MIER2: variants seen among roughly 807,000 people sequenced by gnomAD.
The protein encoded by MIER2 is mesoderm induction early response protein 2.
In MIER2, 30 loss-of-function variants were observed where a neutral mutation model predicts 67.6. That is an observed-to-expected ratio of 0.44 (90% CI 0.33 to 0.60). The LOEUF is 0.60. MIER2 is among the 20% of genes least tolerant of loss of function. MIER2 has a pLI of 0.02. For synonymous variants in MIER2, 372 were observed against 312.6 expected, an observed-to-expected ratio of 1.19 and a Z score of -2.00; for missense variants, 702 against 745.1, an observed-to-expected ratio of 0.94 and a Z score of 0.67.
intron 10 of MIER2, among the ~76,000 whole-genome samples, chr19:310,800 C>G (rs1057412753): frequency 6.6e-6 from 1 of 150,418 alleles, no homozygotes; most frequent in South Asian, 2.1e-4. Flanking sequence ...TCCAGAAACA[C>G]AGCCTGGAGC....
At chr19:344,680 C>A in intron 1 of MIER2, 94 bp downstream of exon 1, 1 of 850,596 alleles carries the variant, frequency 1.2e-6, no homozygotes, top group African/African-American at 1.8e-5. Context: ...GCGGGGCTCT[C>A]CGTCCCTGGG....
chr19:330,238 G>A (rs970633700), intron 3 of MIER2: 5 of 152,010 alleles, frequency 3.3e-5, no homozygotes, highest in Non-Finnish European at 5.9e-5. Flanking sequence ...TGAACTTGCC[G>A]AATTTCTAAT....
rs1480519691 is a variant in MIER2 at position 327,875 on chromosome 19, T to C, written c.358A>G (p.Thr120Ala). The C allele has an allele frequency of 6.2e-7, 1 of 1,612,050 alleles. No homozygotes were observed. The highest frequency in any genetic ancestry group is 8.5e-7 in the Non-Finnish European group (1 of 1,179,128). Residue 120 changes from threonine (T) to alanine (A), a missense_variant, in exon 4 of 14, where the codon ACC becomes GCC. Thr to Ala is a moderately conservative substitution (Grantham distance 58). Coordinates refer to ENST00000264819, the MANE Select transcript of MIER2 (RefSeq NM_017550.3). ...GGGCCCTCACTTACTTTGTCCAGGG[T>C]CATGTCTGGGAGGTTCGGGGCCACG... ...GDVAPNLPDMTLDKEQIAKDL... is the reference protein window; with the variant it reads ...GDVAPNLPDMALDKEQIAKDL...
At position 335,977 on chromosome 19, in the gene MIER2, A is replaced by G. The variant is rs1972233495; in HGVS notation, c.100+106T>C. ...GAGCTGGGACACCCTGGACTCTGGA[A>G]GCCAGTGTGCCGGTCCACAGCTCAG... On this transcript the variant is annotated intron_variant, in intron 2 of 13. Coordinates refer to ENST00000264819, the MANE Select transcript of MIER2 (RefSeq NM_017550.3). 2.7e-6 allele frequency: 3 copies of G among 1,101,768 alleles called. No individual in the cohort carries two copies. In the Admixed American group the frequency reaches 5.8e-5, roughly 21 times the overall value. The allele number at this position is 1,101,768 out of a possible 1,614,324, so 68.2% of individuals were successfully genotyped here.
chr19:331,360 G>GAAAAAAAAAAAAAAAAAA (rs917485905), intron 3 of MIER2, among the ~76,000 whole-genome samples: 1 of 117,964 alleles, frequency 8.5e-6, no homozygotes, highest in African/African-American at 3.2e-5. Flanking sequence ...TCTGTCCCCA[G>GAAAAAAAAAAAAAAAAAA]AAAAAAAAAA....
chr19:307,128 G>C lies in MIER2; in HGVS notation c.1607C>G (p.Pro536Arg). The C allele has an allele frequency of 6.3e-7, 1 of 1,582,612 alleles. No individual in the cohort carries two copies. The highest frequency in any genetic ancestry group is 8.6e-7 in the Non-Finnish European group (1 of 1,164,594). The change falls in exon 13 of 14, where the codon CCC (proline) becomes CGC (arginine). Residue 536 changes from proline (P) to arginine (R), a missense_variant. Pro to Arg is a moderately radical substitution (Grantham distance 103). This residue lies in a region of MIER2 where 254 missense variants were observed against 262.8 expected (regional missense o/e 0.97). Transcript: ENST00000264819. Reference sequence around the variant, plus strand: ...ATGGGGTGGCACTCACTGTGACAGGGGCTCCGAGTGTAGCCCGGGGGCCGG... The same window carrying C: ...ATGGGGTGGCACTCACTGTGACAGGCGCTCCGAGTGTAGCCCGGGGGCCGG... ...TCPAPGLHSE[P>R]LSHCNVMTC
Position 307,433 on chromosome 19 carries a change from C to A in MIER2, c.1302G>T (p.Leu434=). The change falls in exon 13 of 14, where the codon CTG becomes CTT. Residue 434 remains leucine, a synonymous_variant. Coordinates refer to ENST00000264819, the MANE Select transcript of MIER2 (RefSeq NM_017550.3). ...SEPGPCSFQQ[L]DESPAVPLSH... is the part of the protein sequence containing the mutation. The stretch of plus-strand genomic sequence containing the variant: ...ACAGGGGTACAGCGGGGGACTCATC[C>A]AGCTGCTGGAAGGAACACGGCCCTG... 6.3e-7 allele frequency: 1 copy of A among 1,594,354 alleles called. No individual in the cohort carries two copies.
chr19:306,749 A>G lies in MIER2; in HGVS notation c.1617-38T>C. Reference sequence around the variant, plus strand: ...GACCAAGAGAGACGCAGAGAGTGTCAGTGCGGCCCCACGTGCCTGCACAGC... The same window carrying G: ...GACCAAGAGAGACGCAGAGAGTGTCGGTGCGGCCCCACGTGCCTGCACAGC... On this transcript the variant is annotated intron_variant, in intron 13 of 13. Transcript: ENST00000264819. The G allele has an allele frequency of 4.5e-6, 7 of 1,554,282 alleles. 1 individual carries two copies. In the South Asian group the frequency reaches 5.9e-5, roughly 13 times the overall value.
chr19:334,318 G>C, intron 3 of MIER2, 82 bp downstream of exon 3: 4 of 1,571,102 alleles, frequency 2.5e-6, no homozygotes, highest in Non-Finnish European at 2.6e-6. Flanking sequence ...TACCAATGTG[G>C]AATCTGAGCT....
chr19:307,664 A>G, intron 12 of MIER2, 128 bp from the exon 13 acceptor site: 1 of 978,446 alleles, frequency 1.0e-6, no homozygotes, highest in Non-Finnish European at 1.4e-6. Flanking sequence ...CCACACAAAT[A>G]CAAAAGACAC....
chr19:324,927 C>T (rs1971672465), intron 7 of MIER2, among the ~76,000 whole-genome samples: 1 of 152,246 alleles, frequency 6.6e-6, no homozygotes, highest in South Asian at 2.1e-4. Flanking sequence ...TCTTCTCACA[C>T]GGGGCACCCC....
At chr19:317,960 T>C (rs897849136) in intron 7 of MIER2, among the ~76,000 whole-genome samples, 14 of 152,236 alleles carry the variant, frequency 9.2e-5, no homozygotes, top group African/African-American at 2.9e-4. Flanking sequence ...TCCCAGCACA[T>C]TGGGAGGCCG....
chr19:321,111 C>G (rs553903934), intron 7 of MIER2, among the ~76,000 whole-genome samples: 2 of 152,312 alleles, frequency 1.3e-5, no homozygotes, highest in African/African-American at 2.4e-5. Flanking sequence ...TCAGCTGGAA[C>G]TGTACGTCAG....
chr19:316,181 T>A (rs1971226740), intron 7 of MIER2, among the ~76,000 whole-genome samples: 1 of 152,198 alleles, frequency 6.6e-6, no homozygotes, highest in African/African-American at 2.4e-5. Context: ...ACAAAGGAAG[T>A]TCTTCCGGCT....
chr19:309,714 G>A (rs201754561), intron 10 of MIER2, among the ~76,000 whole-genome samples: 172 of 42,882 alleles, frequency 4.0e-3, no homozygotes, highest in South Asian at 8.0e-3. Context: ...ACACACACAC[G>A]CACACAAGGC....
At chr19:339,852 G>A (rs1972426555) in intron 1 of MIER2, among the ~76,000 whole-genome samples, 1 of 152,142 alleles carries the variant, frequency 6.6e-6, no homozygotes, top group Admixed American at 6.5e-5. Context: ...AAGGGGTGTG[G>A]GGTTCCTTTT....
At chr19:310,330 C>T (rs1299280492) in intron 10 of MIER2, among the ~76,000 whole-genome samples, 4 of 152,228 alleles carry the variant, frequency 2.6e-5, no homozygotes, top group African/African-American at 9.6e-5. Flanking sequence ...GGGGGCGAGA[C>T]CGAGACAACC....
chr19:314,284 G>A (rs926769621), intron 7 of MIER2, among the ~76,000 whole-genome samples: 1 of 152,156 alleles, frequency 6.6e-6, no homozygotes, highest in Non-Finnish European at 1.5e-5. Context: ...CTCACAGAGG[G>A]GAGGAAAAGT....
In MIER2 at chr19:344,765, C is replaced by T; in HGVS notation, c.9+9G>A. ...GCGGGGGGCCGGCTCCCCCGGCCCGCTCACTCACCTCCGCCATGGCCGTGT... is the reference window on the plus strand; with the variant it reads ...GCGGGGGGCCGGCTCCCCCGGCCCGTTCACTCACCTCCGCCATGGCCGTGT... On this transcript the variant is annotated intron_variant, in intron 1 of 13. Transcript: ENST00000264819. The T allele has an allele frequency of 8.4e-7, 1 of 1,187,026 alleles. No homozygotes were observed. The allele number at this position is 1,187,026 out of a possible 1,614,324, so 73.5% of individuals were successfully genotyped here. A position where few individuals can be genotyped will look rare whatever the true frequency, so the allele number is the denominator to read the frequency against.
Sources: gnomAD v4.1 joint callset for allele counts (sites outside exome capture counted in the v4.1 genomes callset) on GRCh38, gnomAD v4.1.1 for gene constraint, gnomAD v4.1.1 regional missense constraint, MANE v1.5 for transcripts, NCBI Gene and HGNC (gene_info 2026-07-23, HGNC 2026-07-21) for gene names.